DNAJC24: variants seen among roughly 807,000 people sequenced by gnomAD.
DNAJC24 encodes the protein dnaJ homolog subfamily C member 24.
A neutral mutation model predicts 18.0 loss-of-function variants in DNAJC24; 17 were observed. That is an observed-to-expected ratio of 0.94 (90% CI 0.65 to 1.42). The LOEUF (loss-of-function observed/expected upper bound fraction) is 1.42. Ranked by LOEUF, DNAJC24 falls within the 40% of genes most tolerant of loss-of-function variation. DNAJC24 has a pLI of 0.00. For missense variants in DNAJC24, 158 were observed against 175.6 expected (o/e 0.90, Z 0.57); for synonymous variants, 55 against 57.7 (o/e 0.95, Z 0.21).
chr11:31,386,420 A>T (rs1447389939), intron 2 of DNAJC24, among the ~76,000 whole-genome samples: 1 of 147,916 alleles, frequency 6.8e-6, no homozygotes, highest in Admixed American at 6.9e-5. Context: ...GCCACAGTAG[A>T]ATAGGGTATC....
rs1271393477 is a variant in DNAJC24 at position 31,369,893 on chromosome 11, C to T, written c.-53C>T. 1.3e-5 allele frequency: 2 copies of T among 152,620 alleles called. No homozygotes were observed. The highest frequency in any genetic ancestry group is 1.3e-4 in the Admixed American group (2 of 15,276). 9.5% of individuals were successfully genotyped at this position (152,620 alleles called of 1,614,324 possible). The stretch of plus-strand genomic sequence containing the variant: ...CCGACAGCAGGCGAGGAGTGGGTAG[C>T]AGCGCCTATGTGAAGTTAGGTAGGT... On this transcript the variant is annotated 5_prime_UTR_variant, in exon 1 of 5. Coordinates refer to ENST00000465995, the MANE Select transcript of DNAJC24 (RefSeq NM_181706.5).
At chr11:31,414,769 C>T (rs1290404568) in intron 2 of DNAJC24, 42 bp from the exon 3 acceptor site, 5 of 1,568,262 alleles carry the variant, frequency 3.2e-6, no homozygotes, top group Non-Finnish European at 3.5e-6. Flanking sequence ...CCCCACTCAG[C>T]TCTCTCTACT....
intron 2 of DNAJC24, among the ~76,000 whole-genome samples, chr11:31,373,543 ATAT>A (rs1341948585): frequency 1.5e-5 from 2 of 135,384 alleles, no homozygotes; most frequent in East Asian, 3.9e-4. Context: ...TAGTTCTCTA[ATAT>A]TATCCTTCTT....
chr11:31,396,209 C>T, intron 2 of DNAJC24: 1 of 425,228 alleles, frequency 2.4e-6, no homozygotes, highest in Admixed American at 2.8e-5. Context: ...GAAATTTCTT[C>T]CTCTCTGGGC....
chr11:31,414,946 T>C lies in DNAJC24; in HGVS notation c.247T>C (p.Cys83Arg), dbSNP rs1201125671. ...AAAAAGAGAGTATGACCTGCAGCGGTGTGGTAGGTGCTTGTGTTGAGGAGC... is the reference window on the plus strand; with the variant it reads ...AAAAAGAGAGTATGACCTGCAGCGGCGTGGTAGGTGCTTGTGTTGAGGAGC... ...ETKREYDLQR[C>R]EDDLRNVGPV... The change falls in exon 3 of 5, where the codon TGT (cysteine) becomes CGT (arginine). Residue 83 changes from cysteine (C) to arginine (R), a missense_variant. Physicochemically the swap from Cys to Arg is radical, Grantham distance 180. Transcript: ENST00000465995. 6.2e-7 allele frequency: 1 copy of C among 1,612,826 alleles called. No homozygotes were observed. The highest frequency in any genetic ancestry group is 8.5e-7 in the Non-Finnish European group (1 of 1,179,652).
At chr11:31,420,544 T>C (rs1382213592) in intron 3 of DNAJC24, among the ~76,000 whole-genome samples, 6 of 152,158 alleles carry the variant, frequency 3.9e-5, no homozygotes, top group Admixed American at 6.6e-5. Flanking sequence ...CATTTTCTTA[T>C]GGTCTGGTAT....
intron 2 of DNAJC24, among the ~76,000 whole-genome samples, chr11:31,410,957 C>T (rs1406379137): frequency 6.6e-6 from 1 of 152,098 alleles, no homozygotes; most frequent in East Asian, 1.9e-4. Context: ...CTTTAGATTA[C>T]ATCTGTCTTT....
chr11:31,405,767 T>C (rs1206044210), intron 2 of DNAJC24, among the ~76,000 whole-genome samples: 3 of 152,122 alleles, frequency 2.0e-5, no homozygotes, highest in Non-Finnish European at 4.4e-5. Context: ...AGTGGTCATT[T>C]ATAATGAAAA....
At position 31,430,794 on chromosome 11, in the gene DNAJC24, C is replaced by CTAAAGT. The variant is rs1952915005; in HGVS notation, c.*396_*401dup. ...GTCTAACCGATAACGTTTCTAGTTGCTAAAGTTATGGGGCTGTTGTACACC... is the reference window on the plus strand; with the variant it reads ...GTCTAACCGATAACGTTTCTAGTTGCTAAAGTTAAAGTTATGGGGCTGTTGTACACC... On this transcript the variant is annotated 3_prime_UTR_variant, in exon 5 of 5. Transcript: ENST00000465995. 6.5e-6 allele frequency: 1 copy of CTAAAGT among 152,686 alleles called. No individual in the cohort carries two copies. Among genetic ancestry groups the CTAAAGT allele is most frequent in the Non-Finnish European group, 1.5e-5 (1 of 68,224 alleles). The allele number at this position is 152,686 out of a possible 1,614,324, so 9.5% of individuals were successfully genotyped here.
intron 3 of DNAJC24, chr11:31,415,918 A>C (rs1402682078): frequency 6.6e-6 from 1 of 152,224 alleles, no homozygotes; most frequent in Non-Finnish European, 1.5e-5. Context: ...TTATTTTTAA[A>C]ACACAGCATT....
Position 31,375,114 on chromosome 11 carries a change from G to A in DNAJC24, c.111+4255G>A, listed in dbSNP as rs576239546. Among the ~76,000 whole-genome samples the A allele has an allele frequency of 5.2e-5, 7 of 135,154 alleles. 1 individual carries two copies. The highest frequency in any genetic ancestry group is 1.7e-4 in the African/African-American group (7 of 40,272). 88.7% of individuals were successfully genotyped at this position (135,154 alleles called of 152,430 possible). On this transcript the variant is annotated intron_variant, in intron 2 of 4. Transcript: ENST00000465995. Reference sequence around the variant, plus strand: ...GGATTGCTTGAGCCCAGGAGTTCAAGGCTACAGTGAGATATGATTGTGTCA... The same window carrying A: ...GGATTGCTTGAGCCCAGGAGTTCAAAGCTACAGTGAGATATGATTGTGTCA...
At chr11:31,392,463 A>G (rs1952506501) in intron 2 of DNAJC24, among the ~76,000 whole-genome samples, 1 of 152,200 alleles carries the variant, frequency 6.6e-6, no homozygotes, top group African/African-American at 2.4e-5. Flanking sequence ...TAAAGTCTAC[A>G]TACCAAGTGC....
Position 31,432,445 on chromosome 11 carries a change from G to A in DNAJC24, c.*2044G>A, listed in dbSNP as rs1193813727. ...TGGTAAGTACACGGTTTCAACGGGA[G>A]TAATAAATTCACATGAAAAGGAGAC... On this transcript the variant is annotated 3_prime_UTR_variant, in exon 5 of 5. Coordinates refer to ENST00000465995, the MANE Select transcript of DNAJC24 (RefSeq NM_181706.5). The A allele has an allele frequency of 2.5e-6, 3 of 1,210,712 alleles. No homozygotes were observed. The highest frequency in any genetic ancestry group is 3.0e-5 in the African/African-American group (2 of 66,904). The allele number at this position is 1,210,712 out of a possible 1,614,324, so 75.0% of individuals were successfully genotyped here.
At chr11:31,422,624 C>T (rs1952818012) in intron 3 of DNAJC24, among the ~76,000 whole-genome samples, 1 of 152,056 alleles carries the variant, frequency 6.6e-6, no homozygotes, top group Non-Finnish European at 1.5e-5. Context: ...GAAAAATATG[C>T]AATACTACAA....
At chr11:31,406,558 G>A (rs1249883526) in intron 2 of DNAJC24, among the ~76,000 whole-genome samples, 1 of 152,138 alleles carries the variant, frequency 6.6e-6, no homozygotes, top group African/African-American at 2.4e-5. Flanking sequence ...GGTAGGTTGT[G>A]GTTCTTATAT....
intron 3 of DNAJC24, among the ~76,000 whole-genome samples, chr11:31,423,541 A>G (rs984533284): frequency 1.1e-4 from 17 of 152,172 alleles, no homozygotes; most frequent in African/African-American, 3.9e-4. Context: ...GATTACAGGC[A>G]TAAGCCACAG....
chr11:31,373,619 G>A lies in DNAJC24; in HGVS notation c.111+2760G>A, dbSNP rs112181766. On this transcript the variant is annotated intron_variant, in intron 2 of 4. Coordinates refer to ENST00000465995, the MANE Select transcript of DNAJC24 (RefSeq NM_181706.5). ...TCCACAGAAATTTTAGAATCAGCTT[G>A]TAAATGTCTACCAAAAAAATCTTGC... 2.7e-3 allele frequency among the ~76,000 whole-genome samples: 362 copies of A among 135,098 alleles called. 32 individuals carry two copies. The highest frequency in any genetic ancestry group is 8.4e-3 in the African/African-American group (339 of 40,470). 88.6% of individuals were successfully genotyped at this position (135,098 alleles called of 152,430 possible).
intron 2 of DNAJC24, among the ~76,000 whole-genome samples, chr11:31,386,378 C>T (rs1224154318): frequency 6.6e-6 from 1 of 151,574 alleles, no homozygotes. Flanking sequence ...AGAGTAAAGG[C>T]AACTATGTCT....
At chr11:31,390,715 A>G (rs1222472601) in intron 2 of DNAJC24, among the ~76,000 whole-genome samples, 1 of 151,656 alleles carries the variant, frequency 6.6e-6, no homozygotes, top group Non-Finnish European at 1.5e-5. Context: ...TAAAAAAAAA[A>G]AAAAAAAAAA....
Sources: allele counts gnomAD v4.1 joint callset (sites outside exome capture counted in the v4.1 genomes callset), GRCh38; gene constraint gnomAD v4.1.1; transcripts MANE v1.5; gene names NCBI Gene and HGNC (gene_info 2026-07-23, HGNC 2026-07-21).